The following EYS variants were observed in gnomAD, a reference collection of about 807,000 sequenced individuals.
EYS encodes the protein protein eyes shut homolog.
In EYS, 250 loss-of-function variants were observed where a neutral mutation model predicts 282.1. The ratio of observed to expected loss-of-function variants is 0.89; its 90% confidence interval spans 0.80 to 0.98. EYS has a LOEUF of 0.98. EYS is among the 50% of genes least tolerant of loss of function. The pLI is 0.00. For missense variants in EYS, 4,016 were observed against 3,709.0 expected (o/e 1.08, Z -2.15); for synonymous variants, 1,355 against 1,282.9 (o/e 1.06, Z -1.20).
chr6:64,799,808 A>G (rs1332443778), intron 22 of EYS, among the ~76,000 whole-genome samples: 1 of 151,856 alleles, frequency 6.6e-6, no homozygotes, highest in African/African-American at 2.4e-5. Context: ...CTGAATATCT[A>G]CATAAATAAA....
At chr6:64,459,910 A>G (rs915452516) in intron 26 of EYS, among the ~76,000 whole-genome samples, 8 of 151,886 alleles carry the variant, frequency 5.3e-5, no homozygotes, top group Non-Finnish European at 8.8e-5. Context: ...TTGACACTCA[A>G]TATTAACCAT....
chr6:64,274,704 T>C (rs553576680), intron 30 of EYS, among the ~76,000 whole-genome samples: 13 of 152,136 alleles, frequency 8.5e-5, no homozygotes, highest in African/African-American at 3.1e-4. Context: ...TCACTCCTAC[T>C]TATATTGTGA....
rs748381419 is a variant in EYS, at chr6:65,495,162, T to C, written c.249A>G (p.Gln83=). 1.6e-5 allele frequency: 26 copies of C among 1,613,932 alleles called. No individual in the cohort carries two copies. Among genetic ancestry groups the C allele is most frequent in the South Asian group, 1.4e-4 (13 of 91,086 alleles). ...AAGAAATTACAAGGATATCTCCTAATTGAATTTGCAAAGGGCAAATCTGGG... is the reference window on the plus strand; with the variant it reads ...AAGAAATTACAAGGATATCTCCTAACTGAATTTGCAAAGGGCAAATCTGGG... The part of the protein sequence containing the change: ...AVPQICPLQI[Q]LGDILVISSE... The change falls in exon 4 of 43, where the codon CAA becomes CAG. Residue 83 remains glutamine, a synonymous_variant. Coordinates refer to ENST00000503581, the MANE Select transcript of EYS (RefSeq NM_001142800.2).
At chr6:65,121,506 T>G (rs2150196053) in intron 12 of EYS, among the ~76,000 whole-genome samples, 1 of 147,630 alleles carries the variant, frequency 6.8e-6, no homozygotes, top group East Asian at 2.0e-4. Context: ...ATGAGTGTCT[T>G]ATTGGAAATT....
At chr6:64,621,683 C>G (rs1046450354) in intron 23 of EYS, among the ~76,000 whole-genome samples, 2 of 152,054 alleles carry the variant, frequency 1.3e-5, no homozygotes, top group African/African-American at 2.4e-5. Flanking sequence ...GTTTTCTTGC[C>G]CCAAGGATAG....
chr6:65,323,665 A>T (rs2796895), intron 11 of EYS, among the ~76,000 whole-genome samples: 99,696 of 103,004 alleles, frequency 0.97, 48,374 homozygotes, highest in East Asian at 1. Flanking sequence ...AGCTGCTAAA[A>T]GATTCTGCCT....
intron 5 of EYS, among the ~76,000 whole-genome samples, chr6:65,475,823 C>T (rs1398699191): frequency 6.6e-6 from 1 of 151,526 alleles, no homozygotes; most frequent in East Asian, 1.9e-4. Flanking sequence ...TAGCACTTTT[C>T]CCAGCTTTCT....
Position 65,296,137 on chromosome 6 carries a change from G to A in EYS, c.1767-18C>T, listed in dbSNP as rs1433100876. 2 of 1,532,062 alleles carry A rather than the reference G, an allele frequency of 1.3e-6. No homozygotes were observed. Among genetic ancestry groups the A allele is most frequent in the Middle Eastern group, 1.7e-4 (1 of 5,964 alleles). 94.9% of individuals were successfully genotyped at this position (1,532,062 alleles called of 1,614,324 possible). ...AGCTGCATCTGAAACACAGAGAAATGAAAAACCCAATTAGTCATATACTTT... is the reference window on the plus strand; with the variant it reads ...AGCTGCATCTGAAACACAGAGAAATAAAAAACCCAATTAGTCATATACTTT... On this transcript the variant is annotated intron_variant, in intron 11 of 42. Coordinates refer to ENST00000503581, the MANE Select transcript of EYS (RefSeq NM_001142800.2).
chr6:63,743,069 T>C (rs1408776181), intron 41 of EYS, among the ~76,000 whole-genome samples: 2 of 152,246 alleles, frequency 1.3e-5, no homozygotes, highest in African/African-American at 4.8e-5. Context: ...ATAGCGGCTA[T>C]ACCATCTTAC....
At chr6:64,966,916 C>G (rs1285444622) in intron 14 of EYS, among the ~76,000 whole-genome samples, 1 of 152,266 alleles carries the variant, frequency 6.6e-6, no homozygotes, top group Non-Finnish European at 1.5e-5. Flanking sequence ...TCAAGTCTAC[C>G]CTTTGATCAT....
intron 10 of EYS, 82 bp downstream of exon 10, chr6:65,343,956 C>A: frequency 8.2e-7 from 1 of 1,214,900 alleles, no homozygotes; most frequent in Non-Finnish European, 1.2e-6. Flanking sequence ...AATCTGTAAC[C>A]TAAACATTTC....
intron 33 of EYS, among the ~76,000 whole-genome samples, chr6:64,018,566 T>A (rs2149816581): frequency 6.6e-6 from 1 of 152,224 alleles, no homozygotes; most frequent in South Asian, 2.1e-4. Context: ...ACATTTTTGG[T>A]TTTCATATGC....
intron 36 of EYS, among the ~76,000 whole-genome samples, chr6:63,815,049 T>C (rs150040693): frequency 2.0e-5 from 3 of 152,196 alleles, no homozygotes; most frequent in African/African-American, 7.2e-5. Context: ...TTAAGAAACA[T>C]TGAGGTTGGA....
At chr6:64,391,428 C>G (rs1385063531) in intron 28 of EYS, among the ~76,000 whole-genome samples, 2 of 152,088 alleles carry the variant, frequency 1.3e-5, no homozygotes, top group South Asian at 4.1e-4. Flanking sequence ...GCAGATCTCT[C>G]GGCAGAAACC....
chr6:64,132,908 A>C (rs1412151483), intron 31 of EYS, among the ~76,000 whole-genome samples: 1 of 152,044 alleles, frequency 6.6e-6, no homozygotes, highest in East Asian at 1.9e-4. Context: ...TAAGGTATAT[A>C]TAAATGTGGA....
At chr6:64,764,377 T>C (rs1454469654) in intron 22 of EYS, among the ~76,000 whole-genome samples, 1 of 152,224 alleles carries the variant, frequency 6.6e-6, no homozygotes, top group Non-Finnish European at 1.5e-5. Context: ...TTGTACCCTT[T>C]GAAGCCACAG....
intron 9 of EYS, among the ~76,000 whole-genome samples, chr6:65,352,166 A>G (rs923212657): frequency 4.6e-5 from 7 of 151,826 alleles, no homozygotes; most frequent in African/African-American, 1.4e-4. Flanking sequence ...ACAGTATACT[A>G]TTTTATGAGC....
intron 2 of EYS, among the ~76,000 whole-genome samples, chr6:65,597,078 T>A (rs760105201): frequency 6.6e-6 from 1 of 152,110 alleles, no homozygotes; most frequent in Non-Finnish European, 1.5e-5. Context: ...TAGAGACCAC[T>A]GCATCCCAAA....
intron 35 of EYS, among the ~76,000 whole-genome samples, chr6:63,965,022 A>C (rs1388320202): frequency 6.6e-6 from 1 of 152,220 alleles, no homozygotes; most frequent in East Asian, 1.9e-4. Flanking sequence ...GTTTATACTT[A>C]TATCGTTCTT....
Sources: allele counts gnomAD v4.1 joint callset (sites outside exome capture counted in the v4.1 genomes callset), GRCh38; gene constraint gnomAD v4.1.1; transcripts MANE v1.5; gene names NCBI Gene and HGNC (gene_info 2026-07-23, HGNC 2026-07-21).